PHTF2: variants seen among roughly 807,000 people sequenced by gnomAD.
PHTF2 encodes putative homeodomain transcription factor 2, also known as protein PHTF2.
In PHTF2, 60 loss-of-function variants were observed where a neutral mutation model predicts 101.2. The observed-to-expected ratio is 0.59, with a 90% CI of 0.48 to 0.73. The LOEUF (loss-of-function observed/expected upper bound fraction) is 0.73. Among genes scored for constraint, PHTF2 ranks in the 30% least tolerant of loss-of-function variants. The probability of loss-of-function intolerance (pLI) is 0.00; values close to 1 mark genes in which losing one functional copy is unlikely to be tolerated. For missense variants in PHTF2, 747 were observed against 908.7 expected, an observed-to-expected ratio of 0.82 and a Z score of 2.29; for synonymous variants, 311 against 307.3, an observed-to-expected ratio of 1.01 and a Z score of -0.13.
chr7:77,940,490 T>A, intron 14 of PHTF2, 38 bp from the exon 14 acceptor site: 3 of 1,536,634 alleles, frequency 2.0e-6, no homozygotes, highest in Non-Finnish European at 1.8e-6. Flanking sequence ...TCTGTGGTAA[T>A]CTACTTGAAA....
chr7:77,838,062 A>AG (rs1795604683), intron 1 of PHTF2, among the ~76,000 whole-genome samples: 1 of 152,144 alleles, frequency 6.6e-6, no homozygotes. Context: ...AGTTTGCTTG[A>AG]GGGGATAGGT....
At chr7:77,851,113 C>T (rs1796725554) in intron 2 of PHTF2, among the ~76,000 whole-genome samples, 1 of 152,128 alleles carries the variant, frequency 6.6e-6, no homozygotes. Context: ...CAGAGTAATA[C>T]TGGCCTCATA....
intron 3 of PHTF2, among the ~76,000 whole-genome samples, chr7:77,880,511 A>T (rs951587007): frequency 2.0e-5 from 3 of 152,060 alleles, no homozygotes; most frequent in Admixed American, 2.0e-4. Flanking sequence ...TTACAAGTGG[A>T]TGCCCTCCTT....
At chr7:77,861,560 G>C (rs1316352939) in intron 3 of PHTF2, among the ~76,000 whole-genome samples, 1 of 152,136 alleles carries the variant, frequency 6.6e-6, no homozygotes, top group Non-Finnish European at 1.5e-5. Context: ...CATTGTGATA[G>C]ATCTGTCCTT....
chr7:77,910,897 G>A (rs1332135256), intron 9 of PHTF2, among the ~76,000 whole-genome samples: 3 of 152,102 alleles, frequency 2.0e-5, no homozygotes, highest in Non-Finnish European at 2.9e-5. Flanking sequence ...GTGAGCCACC[G>A]AACCCGGCCA....
chr7:77,879,703 T>C (rs1300214679), intron 3 of PHTF2, among the ~76,000 whole-genome samples: 1 of 152,182 alleles, frequency 6.6e-6, no homozygotes, highest in East Asian at 1.9e-4. Flanking sequence ...ATCTGCCTTT[T>C]TATACTACTA....
chr7:77,892,618 A>C (rs1350791001), intron 3 of PHTF2, among the ~76,000 whole-genome samples: 1 of 152,184 alleles, frequency 6.6e-6, no homozygotes, highest in Non-Finnish European at 1.5e-5. Context: ...GAAAATTCCT[A>C]GTCACAGTTA....
chr7:77,926,960 C>T (rs533499423), intron 11 of PHTF2, among the ~76,000 whole-genome samples: 42 of 151,760 alleles, frequency 2.8e-4, no homozygotes, highest in Non-Finnish European at 5.3e-4. Context: ...GAATTCCAGA[C>T]CAATCTGGCC....
intron 1 of PHTF2, among the ~76,000 whole-genome samples, chr7:77,832,000 C>G (rs1795111786): frequency 6.6e-6 from 1 of 151,588 alleles, no homozygotes; most frequent in South Asian, 2.1e-4. Context: ...AGATCACTGG[C>G]CAGAGGTTTT....
intron 3 of PHTF2, among the ~76,000 whole-genome samples, chr7:77,861,601 G>A (rs939280439): frequency 6.6e-6 from 1 of 152,088 alleles, no homozygotes; most frequent in African/African-American, 2.4e-5. Flanking sequence ...GCCTTATCTT[G>A]ATTTGTTGTT....
intron 1 of PHTF2, among the ~76,000 whole-genome samples, chr7:77,832,701 T>A (rs1028980578): frequency 2.0e-5 from 3 of 151,910 alleles, no homozygotes; most frequent in African/African-American, 7.3e-5. Flanking sequence ...ACTTTGGGTG[T>A]CACTGTCTTC....
intron 1 of PHTF2, among the ~76,000 whole-genome samples, chr7:77,810,945 C>T (rs1441884747): frequency 3.3e-5 from 5 of 151,912 alleles, no homozygotes; most frequent in African/African-American, 4.8e-5. Flanking sequence ...CTCCTGTGGC[C>T]CAGGCTGGAA....
intron 2 of PHTF2, among the ~76,000 whole-genome samples, chr7:77,845,440 A>G (rs1016066661): frequency 1.3e-5 from 2 of 152,230 alleles, no homozygotes; most frequent in African/African-American, 4.8e-5. Flanking sequence ...GTCTTTAAGG[A>G]GTCAGTTGCC....
At chr7:77,866,777 A>C (rs2150697087) in intron 3 of PHTF2, among the ~76,000 whole-genome samples, 1 of 152,358 alleles carries the variant, frequency 6.6e-6, no homozygotes, top group Admixed American at 6.5e-5. Context: ...AATATGACAT[A>C]GCTTTTCTTG....
At chr7:77,885,481 G>T (rs1470769131) in intron 3 of PHTF2, among the ~76,000 whole-genome samples, 1 of 151,834 alleles carries the variant, frequency 6.6e-6, no homozygotes, top group Non-Finnish European at 1.5e-5. Context: ...GTCTTGCTCT[G>T]TCACCCAGGC....
chr7:77,812,676 A>G (rs912498855), intron 1 of PHTF2, among the ~76,000 whole-genome samples: 2 of 150,220 alleles, frequency 1.3e-5, no homozygotes, highest in African/African-American at 4.9e-5. Flanking sequence ...TGCAAGCTCC[A>G]CCTCCCAGGT....
At chr7:77,844,172 A>AT (rs1796095503) in intron 2 of PHTF2, among the ~76,000 whole-genome samples, 2 of 151,826 alleles carry the variant, frequency 1.3e-5, no homozygotes. Flanking sequence ...TAACTTTTGT[A>AT]TTTTTTTGAC....
At chr7:77,873,655 C>G (rs879622406) in intron 3 of PHTF2, among the ~76,000 whole-genome samples, 3 of 151,990 alleles carry the variant, frequency 2.0e-5, no homozygotes, top group African/African-American at 2.4e-5. Flanking sequence ...CAGCATGGGT[C>G]GGGGAGGGGA....
At chr7:77,820,558 A>G (rs953486317) in intron 1 of PHTF2, among the ~76,000 whole-genome samples, 1 of 151,712 alleles carries the variant, frequency 6.6e-6, no homozygotes, top group African/African-American at 2.4e-5. Flanking sequence ...GTATACGTAT[A>G]TTAGAGATAG....
Sources: allele counts gnomAD v4.1 joint callset (sites outside exome capture counted in the v4.1 genomes callset), GRCh38; gene constraint gnomAD v4.1.1; transcripts MANE v1.5; gene names NCBI Gene and HGNC (gene_info 2026-07-23, HGNC 2026-07-21).